Variants in ANKFN1 observed in about 807,000 individuals in gnomAD.
The protein encoded by ANKFN1 is ankyrin repeat and fibronectin type III domain containing 1.
ANKFN1 carries 74 observed loss-of-function variants against 108.7 expected under a neutral mutation model. The ratio of observed to expected loss-of-function variants is 0.68; its 90% CI spans 0.56 to 0.83. The LOEUF (loss-of-function observed/expected upper bound fraction) is 0.83. Among genes scored for constraint, ANKFN1 ranks in the 40% least tolerant of loss-of-function variants. ANKFN1 has a pLI of 0.00. For missense variants in ANKFN1, 1,505 were observed against 1,382.3 expected (o/e 1.09, Z -1.41); for synonymous variants, 547 against 516.2 (o/e 1.06, Z -0.81).
chr17:56,434,757 C>T (rs2048878094), intron 8 of ANKFN1, among the ~76,000 whole-genome samples: 1 of 148,362 alleles, frequency 6.7e-6, no homozygotes, highest in Admixed American at 7.1e-5. Flanking sequence ...TATTTGATCT[C>T]GGTCTGGGTT....
Position 56,440,432 on chromosome 17 carries a change from TC to T in ANKFN1, c.1008+12del, listed in dbSNP as rs762771184. 2 of 1,598,202 alleles carry T rather than the reference TC, an allele frequency of 1.3e-6. No homozygotes were observed. The highest frequency in any genetic ancestry group is 1.1e-5 in the South Asian group (1 of 90,304). On this transcript the variant is annotated intron_variant, in intron 9 of 20. Transcript: ENST00000682825. ...ATCACAGGACTTACAATGGTAAATG[TC>T]CCCAGTAGACTTTTCATTTCCCTAT... is the stretch of plus-strand genomic sequence containing the variant.
upstream of ANKFN1, among the ~76,000 whole-genome samples, chr17:56,151,746 T>C (rs78847504): frequency 1.6e-3 from 243 of 152,280 alleles, 7 homozygotes; most frequent in East Asian, 0.042. Context: ...CTTCCGTTAC[T>C]CTCAGCTACA....
chr17:56,411,750 T>C (rs929605955), intron 8 of ANKFN1, among the ~76,000 whole-genome samples: 1 of 152,226 alleles, frequency 6.6e-6, no homozygotes. Flanking sequence ...GATAATCATA[T>C]GGGTTTCATC....
chr17:56,400,836 G>C (rs1235979536), intron 8 of ANKFN1, among the ~76,000 whole-genome samples: 1 of 152,002 alleles, frequency 6.6e-6, no homozygotes, highest in Non-Finnish European at 1.5e-5. Context: ...ACCATTTGTT[G>C]AAAAGGGTGT....
At chr17:56,500,772 A>T (rs1477285453) in intron 20 of ANKFN1, among the ~76,000 whole-genome samples, 1 of 152,228 alleles carries the variant, frequency 6.6e-6, no homozygotes, top group Non-Finnish European at 1.5e-5. Flanking sequence ...CTTTCTATTT[A>T]AAAACTATAT....
chr17:56,073,045 T>G (rs1221700104), intron 4 of ANKFN1, among the ~76,000 whole-genome samples: 2 of 151,540 alleles, frequency 1.3e-5, no homozygotes, highest in East Asian at 3.9e-4. Flanking sequence ...CAGGCTGGAG[T>G]GCAGTGGCGG....
chr17:56,324,069 C>G (rs2045448481), intron 3 of ANKFN1, among the ~76,000 whole-genome samples: 1 of 152,066 alleles, frequency 6.6e-6, no homozygotes, highest in Non-Finnish European at 1.5e-5. Flanking sequence ...CAGAAGAACA[C>G]CCATCATATT....
chr17:56,096,708 C>G (rs1905541534), intron 4 of ANKFN1, among the ~76,000 whole-genome samples: 1 of 152,148 alleles, frequency 6.6e-6, no homozygotes, highest in African/African-American at 2.4e-5. Context: ...GGCAATTTCT[C>G]AAATTTAAAT....
intron 6 of ANKFN1, among the ~76,000 whole-genome samples, chr17:56,363,698 T>C (rs2046585326): frequency 6.6e-6 from 1 of 152,178 alleles, no homozygotes; most frequent in African/African-American, 2.4e-5. Context: ...TGAGTGGATT[T>C]TTAAAATGTT....
chr17:56,177,622 T>C (rs965103679), intron 1 of ANKFN1, among the ~76,000 whole-genome samples: 7 of 152,328 alleles, frequency 4.6e-5, no homozygotes, highest in African/African-American at 1.7e-4. Context: ...AGAATGTGCC[T>C]CACAAAATAA....
intron 10 of ANKFN1, among the ~76,000 whole-genome samples, chr17:56,446,677 G>C (rs977629336): frequency 6.6e-6 from 1 of 152,132 alleles, no homozygotes; most frequent in African/African-American, 2.4e-5. Context: ...GGCCAAGGCG[G>C]GTGGATCACC....
chr17:56,235,264 G>C (rs192025717), intron 3 of ANKFN1, among the ~76,000 whole-genome samples: 96 of 152,228 alleles, frequency 6.3e-4, no homozygotes, highest in Admixed American at 5.8e-3. Flanking sequence ...ACCTTTGCGA[G>C]ATGCATAGGT....
At chr17:56,482,672 T>A in intron 18 of ANKFN1, 148 bp downstream of exon 18, 1 of 944,854 alleles carries the variant, frequency 1.1e-6, no homozygotes, top group Non-Finnish European at 1.5e-6. Flanking sequence ...TGTGTACAAG[T>A]CTGAGAAAAA....
chr17:56,236,616 CG>C (rs1917175412), intron 3 of ANKFN1, among the ~76,000 whole-genome samples: 1 of 152,074 alleles, frequency 6.6e-6, no homozygotes, highest in African/African-American at 2.4e-5. Flanking sequence ...TTTCTAGATA[CG>C]GAATCAGGTG....
At chr17:56,429,290 A>G (rs2048675326) in intron 8 of ANKFN1, among the ~76,000 whole-genome samples, 1 of 152,226 alleles carries the variant, frequency 6.6e-6, no homozygotes, top group South Asian at 2.1e-4. Flanking sequence ...CGAAATGGAT[A>G]GAACGGTAGA....
At chr17:56,458,004 GCC>G in intron 14 of ANKFN1, 25 bp downstream of exon 14, 1 of 1,584,110 alleles carries the variant, frequency 6.3e-7, no homozygotes, top group South Asian at 1.1e-5. Context: ...TTCAACCCAG[GCC>G]CCCAAGGAAA....
chr17:56,048,336 A>T (rs1904715465), intron 4 of ANKFN1, among the ~76,000 whole-genome samples: 1 of 152,158 alleles, frequency 6.6e-6, no homozygotes, highest in South Asian at 2.1e-4. Flanking sequence ...TAACATTGAT[A>T]TTACTAAGAA....
intron 3 of ANKFN1, among the ~76,000 whole-genome samples, chr17:56,314,179 T>C (rs2045128893): frequency 6.6e-6 from 1 of 152,244 alleles, no homozygotes. Context: ...GCTATTACTC[T>C]ATTCATGATA....
Position 56,284,468 on chromosome 17 carries a change from A to T in ANKFN1, c.54-41753A>T, listed in dbSNP as rs547646492. Among the ~76,000 whole-genome samples the T allele has an allele frequency of 3.3e-5, 5 of 152,280 alleles. No individual in the cohort carries two copies. In the East Asian group the frequency reaches 9.6e-4, roughly 29 times the overall value. ...TCTTCTTAAGTGTAAAATGTTTCCT[A>T]TCAGGGCTAATGATTTCCAATTTAT... On this transcript the variant is annotated intron_variant, in intron 3 of 20. Coordinates refer to ENST00000682825, the MANE Select transcript of ANKFN1 (RefSeq NM_001370326.1).
Sources: allele counts gnomAD v4.1 joint callset (sites outside exome capture counted in the v4.1 genomes callset), GRCh38; gene constraint gnomAD v4.1.1; transcripts MANE v1.5; gene names NCBI Gene and HGNC (gene_info 2026-07-23, HGNC 2026-07-21).